CLVS1: variants seen among roughly 807,000 people sequenced by gnomAD.
CLVS1 encodes the protein clavesin 1, also known as clavesin-1.
In CLVS1, 10 loss-of-function variants were observed where a neutral mutation model predicts 33.1. That is an observed-to-expected ratio of 0.30 (90% CI 0.19 to 0.51). CLVS1 has a LOEUF of 0.51. CLVS1 is among the 20% of genes least tolerant of loss of function. CLVS1 has a pLI of 0.97. For missense variants in CLVS1, 343 were observed against 433.4 expected, an observed-to-expected ratio of 0.79 and a Z score of 1.85; for synonymous variants, 163 against 166.1, an observed-to-expected ratio of 0.98 and a Z score of 0.14.
At chr8:61,322,193 A>G (rs536887731) in intron 2 of CLVS1, among the ~76,000 whole-genome samples, 1 of 152,300 alleles carries the variant, frequency 6.6e-6, no homozygotes, top group South Asian at 2.1e-4. Flanking sequence ...CTTCAGTGTG[A>G]GTAAATATCC....
rs143486973 is a variant in CLVS1, at chr8:61,371,875, A to G, written c.456-4730A>G. ...TATAATGATGAAACCCCTGTAGATA[A>G]ACATTTACTAAGTCCTAACTTGTAT... On this transcript the variant is annotated intron_variant, in intron 2 of 5. Transcript: ENST00000325897. Among the ~76,000 whole-genome samples the G allele has an allele frequency of 1.5e-3, 223 of 152,326 alleles. 3 individuals carry two copies. In the East Asian group the frequency reaches 0.04, roughly 27 times the overall value.
Position 61,402,830 on chromosome 8 carries a change from T to C in CLVS1, c.630+26051T>C, listed in dbSNP as rs1552831. On this transcript the variant is annotated intron_variant, in intron 3 of 5. Coordinates refer to ENST00000325897, the MANE Select transcript of CLVS1 (RefSeq NM_173519.3). The stretch of plus-strand genomic sequence containing the variant: ...GAATCTATCCTAGCAGTGCTGTGAA[T>C]ATAGCTATGAATAAAAAAGACCAAA... Among the ~76,000 whole-genome samples the C allele has an allele frequency of 8.1e-3, 1,229 of 152,338 alleles. 19 individuals are homozygous for C. Among genetic ancestry groups the C allele is most frequent in the African/African-American group, 0.027 (1,130 of 41,572 alleles).
intron 1 of CLVS1, among the ~76,000 whole-genome samples, chr8:61,116,464 G>C (rs530616713): frequency 6.6e-6 from 1 of 152,304 alleles, no homozygotes; most frequent in East Asian, 1.9e-4. Flanking sequence ...GTTCTGAAAG[G>C]TAATGCCTAG....
intron 1 of CLVS1, among the ~76,000 whole-genome samples, chr8:61,097,140 C>T (rs967633388): frequency 1.3e-5 from 2 of 151,698 alleles, no homozygotes; most frequent in Admixed American, 6.6e-5. Flanking sequence ...GCAGGAGGAT[C>T]ACTGAGGCCA....
At chr8:61,489,135 A>AATGATCTATTTTTTATTTC (rs1803979559) in intron 5 of CLVS1, among the ~76,000 whole-genome samples, 1 of 152,234 alleles carries the variant, frequency 6.6e-6, no homozygotes, top group Non-Finnish European at 1.5e-5. Flanking sequence ...TTTTCTCAAT[A>AATGATCTATTTTTTATTTC]ATGATCTATT....
chr8:61,318,259 T>C (rs1394534802), intron 2 of CLVS1, among the ~76,000 whole-genome samples: 1 of 152,214 alleles, frequency 6.6e-6, no homozygotes, highest in Non-Finnish European at 1.5e-5. Flanking sequence ...CACTTGTTTG[T>C]GGTGTTCTGT....
At chr8:61,266,641 C>A (rs1352627837) in intron 2 of CLVS1, among the ~76,000 whole-genome samples, 1 of 152,130 alleles carries the variant, frequency 6.6e-6, no homozygotes, top group Non-Finnish European at 1.5e-5. Context: ...AAGAAAAGCC[C>A]TTTTTGCATA....
At chr8:61,195,464 A>G (rs1238107024) in intron 2 of CLVS1, among the ~76,000 whole-genome samples, 1 of 152,048 alleles carries the variant, frequency 6.6e-6, no homozygotes, top group Non-Finnish European at 1.5e-5. Context: ...CATGTAAAAC[A>G]AACAGCTGGT....
chr8:61,224,719 C>A (rs947345098), intron 2 of CLVS1, among the ~76,000 whole-genome samples: 25 of 152,146 alleles, frequency 1.6e-4, no homozygotes, highest in African/African-American at 5.6e-4. Flanking sequence ...ACAAAAGAGA[C>A]TTTAAACCAA....
chr8:61,297,963 TAG>T (rs1243804128), intron 1 of CLVS1, among the ~76,000 whole-genome samples: 2 of 152,200 alleles, frequency 1.3e-5, no homozygotes, highest in African/African-American at 4.8e-5. Flanking sequence ...TATCTATTAG[TAG>T]AGTGACCATC....
intron 5 of CLVS1, among the ~76,000 whole-genome samples, chr8:61,467,412 C>A (rs910948738): frequency 3.3e-5 from 5 of 152,138 alleles, no homozygotes; most frequent in Non-Finnish European, 7.3e-5. Flanking sequence ...AGCATCTTTC[C>A]CGGTATTTCT....
chr8:61,149,250 A>T (rs1360877656), intron 2 of CLVS1, among the ~76,000 whole-genome samples: 1 of 152,198 alleles, frequency 6.6e-6, no homozygotes, highest in South Asian at 2.1e-4. Context: ...AAGGAAGGAA[A>T]CAAAGAAAGA....
Position 61,458,562 on chromosome 8 carries a change from AG to A in CLVS1, c.977+21del. On this transcript the variant is annotated intron_variant, in intron 5 of 5. Coordinates refer to ENST00000325897, the MANE Select transcript of CLVS1 (RefSeq NM_173519.3). ...GAAAAGGTAAGGCCTGGGTTATCAG[AG>A]CCCCCCCCCCAGTCAGAGGTCAATG... The A allele has an allele frequency of 5.5e-6, 8 of 1,449,930 alleles. No individual in the cohort carries two copies. The highest frequency in any genetic ancestry group is 7.5e-6 in the Non-Finnish European group (8 of 1,068,760). 89.8% of individuals were successfully genotyped at this position (1,449,930 alleles called of 1,614,324 possible).
the CLVS1 span, among the ~76,000 whole-genome samples, chr8:60,965,616 A>T: frequency 6.6e-6 from 1 of 152,158 alleles, no homozygotes; most frequent in African/African-American, 2.4e-5. Context: ...CAGAACCTGG[A>T]TGATGAAACA....
intron 1 of CLVS1, chr8:61,292,579 C>T: frequency 3.0e-6 from 1 of 328,284 alleles, no homozygotes; most frequent in African/African-American, 2.1e-5. Flanking sequence ...GTTTGTTTTC[C>T]TTTCTCTTCC....
chr8:61,090,658 T>C (rs1805227009), intron 1 of CLVS1, among the ~76,000 whole-genome samples: 1 of 152,236 alleles, frequency 6.6e-6, no homozygotes, highest in South Asian at 2.1e-4. Flanking sequence ...AGACTCCTTT[T>C]TTCTTTTCAT....
the CLVS1 span, among the ~76,000 whole-genome samples, chr8:61,039,188 A>G: frequency 6.6e-6 from 1 of 152,248 alleles, no homozygotes; most frequent in Non-Finnish European, 1.5e-5. Context: ...AATATATTTT[A>G]CTTCATCTGA....
At chr8:61,348,058 C>A (rs1225044582) in intron 2 of CLVS1, among the ~76,000 whole-genome samples, 1 of 151,848 alleles carries the variant, frequency 6.6e-6, no homozygotes, top group Non-Finnish European at 1.5e-5. Context: ...AGACTCCTGA[C>A]TTTATTATTC....
chr8:61,303,024 C>T (rs1249660060), intron 2 of CLVS1, among the ~76,000 whole-genome samples: 2 of 152,142 alleles, frequency 1.3e-5, no homozygotes, highest in Non-Finnish European at 2.9e-5. Flanking sequence ...CCAGGCCCCA[C>T]CTCCAAGACT....
Sources: allele counts gnomAD v4.1 joint callset (sites outside exome capture counted in the v4.1 genomes callset), GRCh38; gene constraint gnomAD v4.1.1; transcripts MANE v1.5; gene names NCBI Gene and HGNC (gene_info 2026-07-23, HGNC 2026-07-21).